Variants in UNC45B observed in about 807,000 individuals in gnomAD.
UNC45B encodes protein unc-45 homolog B.
In UNC45B, 78 loss-of-function variants were observed where a neutral mutation model predicts 98.7. That is an observed-to-expected ratio of 0.79 (90% confidence interval 0.66 to 0.95). The LOEUF is 0.95. Among genes scored for constraint, UNC45B ranks in the 40% least tolerant of loss-of-function variants. The probability of loss-of-function intolerance (pLI) is 0.00; values close to 1 mark genes in which losing one functional copy is unlikely to be tolerated. For synonymous variants in UNC45B, 462 were observed against 480.4 expected, an observed-to-expected ratio of 0.96 and a Z score of 0.50; for missense variants, 1,225 against 1,184.9, an observed-to-expected ratio of 1.03 and a Z score of -0.50.
intron 17 of UNC45B, among the ~76,000 whole-genome samples, chr17:35,178,042 G>A (rs1390896724): frequency 6.6e-6 from 1 of 152,092 alleles, no homozygotes; most frequent in African/African-American, 2.4e-5. Context: ...TGGGACTACA[G>A]GAGTACGCCA....
intron 8 of UNC45B, among the ~76,000 whole-genome samples, chr17:35,163,498 A>C (rs1230388859): frequency 2.0e-5 from 3 of 152,258 alleles, no homozygotes; most frequent in Non-Finnish European, 4.4e-5. Flanking sequence ...GGCATTTACT[A>C]AATAAATACT....
chr17:35,152,762 T>C, intron 4 of UNC45B, 131 bp from the exon 5 acceptor site: 1 of 751,192 alleles, frequency 1.3e-6, no homozygotes, highest in Admixed American at 1.8e-5. Flanking sequence ...GTTTGTCGAA[T>C]GAATACATGA....
At chr17:35,184,570 CTAAGTGTTTACATTTAT>C (rs2092292548) in intron 19 of UNC45B, among the ~76,000 whole-genome samples, 1 of 152,160 alleles carries the variant, frequency 6.6e-6, no homozygotes, top group African/African-American at 2.4e-5. Flanking sequence ...AGGTGTTGCC[CTAAGTGTTTACATTTAT>C]TAAGTCATTT....
intron 4 of UNC45B, among the ~76,000 whole-genome samples, chr17:35,150,690 A>T (rs1300899184): frequency 1.3e-5 from 2 of 152,152 alleles, no homozygotes; most frequent in African/African-American, 4.8e-5. Flanking sequence ...TGGAGGTTGC[A>T]GTGAGCTGAG....
chr17:35,177,949 G>A (rs2092247772), intron 17 of UNC45B, among the ~76,000 whole-genome samples: 1 of 149,780 alleles, frequency 6.7e-6, no homozygotes. Flanking sequence ...GCCCAGGCTG[G>A]AGTACAGTGG....
chr17:35,168,202 C>T lies in UNC45B; in HGVS notation c.1293C>T (p.Gly431=), dbSNP rs1351302142. Residue 431 remains glycine, a synonymous_variant, in exon 10 of 20, where the codon GGC becomes GGT. Transcript: ENST00000394570. ...TGGAGATGATGGTGGCACTATGTGG[C>T]TCAGAGCGCGAGACGGACCAGCTGG... ...GVMEMMVALC[G]SERETDQLVA... 2 of 1,603,040 alleles carry T rather than the reference C, an allele frequency of 1.2e-6. No homozygotes were observed. Among genetic ancestry groups the T allele is most frequent in the East Asian group, 2.3e-5 (1 of 43,654 alleles).
At chr17:35,174,925 A>G (rs1469995431) in intron 14 of UNC45B, among the ~76,000 whole-genome samples, 1 of 148,290 alleles carries the variant, frequency 6.7e-6, no homozygotes, top group Non-Finnish European at 1.5e-5. Context: ...GAAGGGAGGA[A>G]GGAGAAAGAA....
intron 4 of UNC45B, among the ~76,000 whole-genome samples, chr17:35,151,868 G>T (rs539573436): frequency 4.6e-5 from 7 of 152,336 alleles, no homozygotes; most frequent in Non-Finnish European, 2.9e-5. Flanking sequence ...GGAGGCCAAG[G>T]CGGGAGGATC....
intron 8 of UNC45B, among the ~76,000 whole-genome samples, chr17:35,162,787 T>C (rs919721065): frequency 6.6e-6 from 1 of 152,198 alleles, no homozygotes; most frequent in African/African-American, 2.4e-5. Context: ...TTTGCCATGT[T>C]GGCCAGGCTG....
At chr17:35,183,059 T>C (rs890684838) in intron 18 of UNC45B, among the ~76,000 whole-genome samples, 1 of 151,598 alleles carries the variant, frequency 6.6e-6, no homozygotes, top group Non-Finnish European at 1.5e-5. Flanking sequence ...TGGAAGACCC[T>C]GAAGGCCCAT....
intron 18 of UNC45B, among the ~76,000 whole-genome samples, 180 bp downstream of exon 18, chr17:35,180,856 T>C (rs2092269242): frequency 6.6e-6 from 1 of 152,102 alleles, no homozygotes. Context: ...GTAGGGGCCC[T>C]GAGAGAAAGA....
At chr17:35,164,272 T>G in intron 9 of UNC45B, 106 bp downstream of exon 9, 1 of 1,350,632 alleles carries the variant, frequency 7.4e-7, no homozygotes, top group Non-Finnish European at 9.9e-7. Flanking sequence ...TGTTTTATTA[T>G]CTCACACCAG....
intron 7 of UNC45B, among the ~76,000 whole-genome samples, chr17:35,156,098 A>G (rs889600514): frequency 6.6e-6 from 1 of 152,244 alleles, no homozygotes; most frequent in African/African-American, 2.4e-5. Flanking sequence ...GCCAGCCACA[A>G]AAAGACAAAT....
intron 18 of UNC45B, among the ~76,000 whole-genome samples, chr17:35,183,134 T>C (rs1357126238): frequency 6.6e-6 from 1 of 151,284 alleles, no homozygotes; most frequent in African/African-American, 2.4e-5. Context: ...TCAGGCATCA[T>C]CTACCCTGCA....
chr17:35,183,268 C>T (rs1252693478), intron 18 of UNC45B, among the ~76,000 whole-genome samples, 159 bp from the exon 19 acceptor site: 2 of 151,214 alleles, frequency 1.3e-5, no homozygotes, highest in African/African-American at 2.4e-5. Context: ...CTTCATTCAA[C>T]CAGTCAGGGA....
At chr17:35,168,879 G>A (rs1282563693) in intron 10 of UNC45B, among the ~76,000 whole-genome samples, 1 of 152,100 alleles carries the variant, frequency 6.6e-6, no homozygotes, top group East Asian at 1.9e-4. Context: ...GCTAATTTTT[G>A]TATTTTTAAT....
intron 19 of UNC45B, 36 bp downstream of exon 19, chr17:35,183,618 G>A: frequency 6.8e-7 from 1 of 1,465,774 alleles, no homozygotes; most frequent in Non-Finnish European, 9.1e-7. Context: ...CGGGCTGGGT[G>A]GCTCCAGGGA....
In UNC45B at chr17:35,188,339, A is replaced by C. The variant is rs1217341330; in HGVS notation, c.*1780A>C. ...TATGTGGGCTTGAGTGGGTGTATTT[A>C]GCTCCTTTAAAGGAAACTCTTTCAC... On this transcript the variant is annotated 3_prime_UTR_variant, in exon 20 of 20. Transcript: ENST00000394570. The C allele has an allele frequency of 6.6e-6, 1 of 152,164 alleles. No individual in the cohort carries two copies. The highest frequency in any genetic ancestry group is 1.5e-5 in the Non-Finnish European group (1 of 68,042). The allele number at this position is 152,164 out of a possible 1,614,324, so 9.4% of individuals were successfully genotyped here.
At chr17:35,178,101 T>C (rs1388949759) in intron 17 of UNC45B, among the ~76,000 whole-genome samples, 2 of 152,152 alleles carry the variant, frequency 1.3e-5, no homozygotes, top group African/African-American at 2.4e-5. Flanking sequence ...GGTTTCCCCA[T>C]GTTGGCCAAG....
Sources: allele counts gnomAD v4.1 joint callset (sites outside exome capture counted in the v4.1 genomes callset), GRCh38; gene constraint gnomAD v4.1.1; transcripts MANE v1.5; gene names NCBI Gene and HGNC (gene_info 2026-07-23, HGNC 2026-07-21).